Variants in SND1 observed in about 807,000 individuals in gnomAD.
The protein encoded by SND1 is staphylococcal nuclease domain-containing protein 1.
SND1 carries 38 observed loss-of-function variants against 121.7 expected under a neutral mutation model. The observed-to-expected ratio is 0.31, with a 90% CI of 0.24 to 0.41. The LOEUF is 0.41. SND1 is among the 10% of genes least tolerant of loss of function. SND1 has a pLI of 1.00. For missense variants in SND1, 868 were observed against 1,184.6 expected (o/e 0.73, Z 3.92); for synonymous variants, 401 against 447.4 (o/e 0.90, Z 1.31).
chr7:128,029,700 C>T lies in SND1; in HGVS notation c.1779+38644C>T. 1 of 1,613,992 alleles carries T rather than the reference C, an allele frequency of 6.2e-7. No homozygotes were observed. Among genetic ancestry groups the T allele is most frequent in the Non-Finnish European group, 8.5e-7 (1 of 1,180,020 alleles). ...ATTGGTGGGTATATACTCTCGAAGC[C>T]ACCAGGCTAGCCACAGAATGTCACA... is the stretch of plus-strand genomic sequence containing the variant. On this transcript the variant is annotated intron_variant, in intron 16 of 23. Coordinates refer to ENST00000354725, the MANE Select transcript of SND1 (RefSeq NM_014390.4). The surrounding 1 kb of genome is among the most constrained non-coding windows in gnomAD (Gnocchi z 4.2).
chr7:127,740,978 T>C (rs964303938), intron 10 of SND1, among the ~76,000 whole-genome samples: 6 of 152,256 alleles, frequency 3.9e-5, no homozygotes, highest in African/African-American at 1.4e-4. Context: ...AAAGATGTCA[T>C]AGCCACTCAT....
At chr7:127,676,140 T>C (rs1227092867) in intron 1 of SND1, among the ~76,000 whole-genome samples, 1 of 152,216 alleles carries the variant, frequency 6.6e-6, no homozygotes, top group Admixed American at 6.5e-5. Context: ...GCAAGTACAC[T>C]GGGAAAACCT....
intron 10 of SND1, among the ~76,000 whole-genome samples, chr7:127,784,242 C>G (rs1415240263): frequency 5.3e-5 from 8 of 152,192 alleles, no homozygotes; most frequent in Non-Finnish European, 1.2e-4. Context: ...CAGATCACAT[C>G]ACTTCCCTTC....
At chr7:127,701,554 G>T (rs1796103645) in intron 5 of SND1, among the ~76,000 whole-genome samples, 1 of 115,754 alleles carries the variant, frequency 8.6e-6, no homozygotes, top group Non-Finnish European at 1.8e-5. Context: ...GCTGTTGCAG[G>T]GTAGTAAATT....
At chr7:127,986,447 G>A (rs536160860) in intron 15 of SND1, among the ~76,000 whole-genome samples, 11 of 152,288 alleles carry the variant, frequency 7.2e-5, no homozygotes, top group African/African-American at 2.6e-4. Context: ...TCATTTTATA[G>A]ACAGATGAGG....
At chr7:127,957,864 C>G (rs943442452) in intron 15 of SND1, among the ~76,000 whole-genome samples, 1 of 152,126 alleles carries the variant, frequency 6.6e-6, no homozygotes, top group South Asian at 2.1e-4. Context: ...CCACACCCAG[C>G]TAATTTTTTG....
intron 16 of SND1, among the ~76,000 whole-genome samples, chr7:128,046,283 G>C (rs1328785182): frequency 6.6e-6 from 1 of 151,580 alleles, no homozygotes; most frequent in Non-Finnish European, 1.5e-5. Flanking sequence ...ATTTTTTGTA[G>C]AGATGGGATC....
At chr7:127,657,581 C>A (rs1170567823) in intron 1 of SND1, among the ~76,000 whole-genome samples, 1 of 152,172 alleles carries the variant, frequency 6.6e-6, no homozygotes, top group Non-Finnish European at 1.5e-5. Context: ...CAGCCTTGAA[C>A]TCCTGGGCTC....
chr7:127,834,545 C>T (rs945074084), intron 11 of SND1, among the ~76,000 whole-genome samples: 5 of 152,138 alleles, frequency 3.3e-5, no homozygotes, highest in Non-Finnish European at 1.5e-5. Context: ...GTTCTATGCA[C>T]GCCGTGCCTT....
intron 16 of SND1, among the ~76,000 whole-genome samples, chr7:127,994,711 T>C (rs1802603909): frequency 6.6e-6 from 1 of 152,104 alleles, no homozygotes; most frequent in African/African-American, 2.4e-5. Context: ...CTCTGTTTTT[T>C]CTTGTTGTTT....
At chr7:127,917,304 C>G (rs578022789) in intron 14 of SND1, among the ~76,000 whole-genome samples, 1 of 152,286 alleles carries the variant, frequency 6.6e-6, no homozygotes, top group South Asian at 2.1e-4. Flanking sequence ...TTTCTAACTA[C>G]TTTAGAAGTA....
chr7:127,657,915 A>T (rs540132071), intron 1 of SND1, among the ~76,000 whole-genome samples: 30 of 152,344 alleles, frequency 2.0e-4, no homozygotes, highest in African/African-American at 7.2e-4. Flanking sequence ...TTTAAGGGTG[A>T]TAAAAGGAAG....
intron 16 of SND1, among the ~76,000 whole-genome samples, chr7:128,012,171 G>C (rs1450879795): frequency 6.6e-6 from 1 of 152,142 alleles, no homozygotes; most frequent in Non-Finnish European, 1.5e-5. Context: ...GATTTTTCTG[G>C]ATAAGTTTTC....
chr7:128,066,791 G>A (rs1207406256), intron 16 of SND1, among the ~76,000 whole-genome samples: 2 of 152,156 alleles, frequency 1.3e-5, no homozygotes, highest in Admixed American at 6.5e-5. Flanking sequence ...CGCAGCATCA[G>A]TGATGGTAGA....
chr7:127,989,831 T>C (rs965590246), intron 15 of SND1, among the ~76,000 whole-genome samples: 33 of 152,234 alleles, frequency 2.2e-4, no homozygotes, highest in Admixed American at 1.7e-3. Flanking sequence ...TTTTGAAATA[T>C]TTGTAAGTCT....
At chr7:128,065,654 G>C (rs1004776554) in intron 16 of SND1, among the ~76,000 whole-genome samples, 1 of 152,224 alleles carries the variant, frequency 6.6e-6, no homozygotes, top group Non-Finnish European at 1.5e-5. Context: ...TTAGGGCTTG[G>C]GTACAGCTCT....
At chr7:127,921,376 G>A (rs924213324) in intron 14 of SND1, among the ~76,000 whole-genome samples, 5 of 152,122 alleles carry the variant, frequency 3.3e-5, no homozygotes, top group African/African-American at 1.2e-4. Flanking sequence ...AATTTTTTAA[G>A]TATTTTAATA....
chr7:127,857,901 G>C (rs1044280078), intron 12 of SND1: 3 of 1,387,876 alleles, frequency 2.2e-6, no homozygotes, highest in Non-Finnish European at 3.1e-6. Context: ...GACCACGAAG[G>C]GGGTCCAGCT....
intron 12 of SND1, among the ~76,000 whole-genome samples, chr7:127,872,004 A>G (rs892009842): frequency 6.6e-6 from 1 of 152,074 alleles, no homozygotes; most frequent in African/African-American, 2.4e-5. Flanking sequence ...GTGGTGGTGC[A>G]CGCCTGTAGT....
Sources: allele counts gnomAD v4.1 joint callset (sites outside exome capture counted in the v4.1 genomes callset), GRCh38; gene constraint gnomAD v4.1.1; non-coding constraint Gnocchi (gnomAD v3.1); transcripts MANE v1.5; gene names NCBI Gene and HGNC (gene_info 2026-07-23, HGNC 2026-07-21).